MUSK: variants seen among roughly 807,000 people sequenced by gnomAD.
MUSK encodes the protein muscle, skeletal receptor tyrosine-protein kinase.
In MUSK, 55 loss-of-function variants were observed where a neutral mutation model predicts 88.7. That is an observed-to-expected ratio of 0.62 (90% CI 0.50 to 0.78). The LOEUF (loss-of-function observed/expected upper bound fraction) is 0.78. Ranked by LOEUF, MUSK falls within the 30% of genes least tolerant of loss-of-function variation. MUSK has a pLI of 0.00. For missense variants in MUSK, 1,015 were observed against 1,074.3 expected (o/e 0.94, Z 0.77); for synonymous variants, 387 against 391.9 (o/e 0.99, Z 0.15).
intron 8 of MUSK, among the ~76,000 whole-genome samples, chr9:110,763,692 G>A (rs2077433761): frequency 6.6e-6 from 1 of 152,196 alleles, no homozygotes; most frequent in Non-Finnish European, 1.5e-5. Context: ...GCTGTCAAGT[G>A]TGCCTGTGCA....
chr9:110,784,178 G>A (rs1261045541), intron 11 of MUSK, among the ~76,000 whole-genome samples: 1 of 152,006 alleles, frequency 6.6e-6, no homozygotes, highest in African/African-American at 2.4e-5. Context: ...TCTGTTAAGA[G>A]GATTTAAATG....
chr9:110,689,720 T>TTTATATATAAATA (rs2076275351), intron 3 of MUSK, among the ~76,000 whole-genome samples: 1 of 57,038 alleles, frequency 1.8e-5, no homozygotes, highest in African/African-American at 1.4e-4. Flanking sequence ...ACTATATATG[T>TTTATATATAAATA]TATATATAGT....
chr9:110,711,908 T>C (rs2076676243), intron 5 of MUSK, among the ~76,000 whole-genome samples: 1 of 152,196 alleles, frequency 6.6e-6, no homozygotes, highest in African/African-American at 2.4e-5. Flanking sequence ...CTGTGGGAGC[T>C]GTTTTAAAGC....
At position 110,787,826 on chromosome 9, in the gene MUSK, G is replaced by A. The variant is rs766810675; in HGVS notation, c.1915G>A (p.Val639Met). ...LMAEFDNPNI[V>M]KLLGVCAVGK... is the part of the protein sequence containing the mutation. The stretch of plus-strand genomic sequence containing the variant: ...GGCAGAATTTGACAACCCTAACATT[G>A]TGAAGCTATTAGGTATGAAAATACA... Residue 639 changes from valine (V) to methionine (M), a missense_variant, in exon 14 of 15, where the codon GTG becomes ATG. By Grantham distance (21) the Val-to-Met change is conservative. Coordinates refer to ENST00000374448, the MANE Select transcript of MUSK (RefSeq NM_005592.4). 1.4e-5 allele frequency: 22 copies of A among 1,611,994 alleles called. No individual in the cohort carries two copies. The highest frequency in any genetic ancestry group is 1.8e-5 in the Non-Finnish European group (21 of 1,178,886).
At position 110,701,652 on chromosome 9, in the gene MUSK, A is replaced by ATTATTTTT. The variant is rs1554739450; in HGVS notation, c.628+4188_628+4189insATTTTTTT. ...CAGGTGTGCACTACTGTGCTCAGCT[A>ATTATTTTT]TTTATTTTATTTATTTTATTTTATT... On this transcript the variant is annotated intron_variant, in intron 5 of 14. Coordinates refer to ENST00000374448, the MANE Select transcript of MUSK (RefSeq NM_005592.4). 6.5e-4 allele frequency among the ~76,000 whole-genome samples: 7 copies of ATTATTTTT among 10,802 alleles called. 1 individual carries two copies. Among genetic ancestry groups the ATTATTTTT allele is most frequent in the Non-Finnish European group, 1.4e-3 (6 of 4,444 alleles). The allele number at this position is 10,802 out of a possible 152,430, so 7.1% of individuals were successfully genotyped here.
At chr9:110,714,810 T>C (rs1210569658) in intron 5 of MUSK, among the ~76,000 whole-genome samples, 1 of 152,166 alleles carries the variant, frequency 6.6e-6, no homozygotes, top group Non-Finnish European at 1.5e-5. Flanking sequence ...ATTTTGTTCT[T>C]TGTAGTCCTT....
At chr9:110,745,210 A>T (rs1587983112) in intron 6 of MUSK, among the ~76,000 whole-genome samples, 1 of 152,148 alleles carries the variant, frequency 6.6e-6, no homozygotes, top group East Asian at 1.9e-4. Context: ...AGGAGAAGAG[A>T]CGTCAGGCAG....
At chr9:110,715,182 T>C (rs1278485632) in intron 5 of MUSK, among the ~76,000 whole-genome samples, 1 of 149,862 alleles carries the variant, frequency 6.7e-6, no homozygotes, top group Non-Finnish European at 1.5e-5. Flanking sequence ...TCAAAAAAGC[T>C]CTGGAGAAAG....
chr9:110,680,128 T>C (rs2076088229), intron 1 of MUSK, among the ~76,000 whole-genome samples: 2 of 152,130 alleles, frequency 1.3e-5, no homozygotes, highest in South Asian at 4.1e-4. Context: ...TTATAAGTGT[T>C]CTGAGTTTAA....
intron 5 of MUSK, among the ~76,000 whole-genome samples, chr9:110,733,196 G>A (rs1356728875): frequency 2.0e-5 from 3 of 152,064 alleles, no homozygotes; most frequent in African/African-American, 7.2e-5. Flanking sequence ...AGTATAATAG[G>A]CCATCCAAAA....
intron 7 of MUSK, among the ~76,000 whole-genome samples, chr9:110,760,479 A>C (rs2077382846): frequency 1.3e-5 from 2 of 152,178 alleles, no homozygotes; most frequent in African/African-American, 4.8e-5. Context: ...TAAATACTGC[A>C]TGTTCCCACT....
chr9:110,698,311 T>G (rs2076459262), intron 5 of MUSK, among the ~76,000 whole-genome samples: 1 of 152,230 alleles, frequency 6.6e-6, no homozygotes, highest in Non-Finnish European at 1.5e-5. Flanking sequence ...GCAGAGCATC[T>G]GGTCCTTTGT....
chr9:110,723,234 T>TACATACACACACACAC (rs1554744130), intron 5 of MUSK, among the ~76,000 whole-genome samples: 2 of 146,670 alleles, frequency 1.4e-5, no homozygotes, highest in Non-Finnish European at 3.0e-5. Flanking sequence ...TACATATACA[T>TACATACACACACACAC]ACACACACAC....
At chr9:110,798,336 G>A (rs1331559895) in intron 14 of MUSK, among the ~76,000 whole-genome samples, 2 of 152,102 alleles carry the variant, frequency 1.3e-5, no homozygotes, top group Non-Finnish European at 2.9e-5. Flanking sequence ...AAATCCTAGT[G>A]GATAATGGTT....
chr9:110,777,544 T>C (rs2077689392), intron 11 of MUSK, among the ~76,000 whole-genome samples: 1 of 152,128 alleles, frequency 6.6e-6, no homozygotes, highest in Non-Finnish European at 1.5e-5. Context: ...GCCTGTCAAA[T>C]TGTTATTCCC....
chr9:110,784,791 G>T (rs199709161), intron 11 of MUSK, 24 bp from the exon 12 acceptor site: 257 of 1,568,876 alleles, frequency 1.6e-4, no homozygotes, highest in Middle Eastern at 1.5e-3. Flanking sequence ...GAGAATGAAT[G>T]AAATAATTAT....
rs1341141494 is a variant in MUSK at position 110,776,660 on chromosome 9, GTAAT to G, written c.1384+7_1384+10del. 1 of 1,595,616 alleles carries G rather than the reference GTAAT, an allele frequency of 6.3e-7. No individual in the cohort carries two copies. Among genetic ancestry groups the G allele is most frequent in the South Asian group, 1.1e-5 (1 of 89,070 alleles). ...ATAACAAAGAAAACCTAAAAAGTAAGTAATTGTGTTTGTGCCCTTGAAACCTTAT... is the reference window on the plus strand; with the variant it reads ...ATAACAAAGAAAACCTAAAAAGTAAGTGTGTTTGTGCCCTTGAAACCTTAT... On this transcript the variant is annotated splice_donor_region_variant and intron_variant, in intron 11 of 14. Coordinates refer to ENST00000374448, the MANE Select transcript of MUSK (RefSeq NM_005592.4).
intron 7 of MUSK, 58 bp downstream of exon 7, chr9:110,747,858 T>C: frequency 3.2e-6 from 5 of 1,567,884 alleles, no homozygotes; most frequent in Non-Finnish European, 3.5e-6. Flanking sequence ...GATACTATTC[T>C]ACAATATCGA....
At position 110,708,525 on chromosome 9, in the gene MUSK, C is replaced by T. The variant is rs1263353458; in HGVS notation, c.628+11059C>T. Among the ~76,000 whole-genome samples, 4 of 152,086 alleles carry T rather than the reference C, an allele frequency of 2.6e-5. No homozygotes were observed. The East Asian group carries it at 7.7e-4, about 29-fold the overall frequency. On this transcript the variant is annotated intron_variant, in intron 5 of 14. Transcript: ENST00000374448. ...ACCAAACAAAGAAAAAAATCACAAACCTCTGATATCCCTGGAGGCTATCAT... is the reference window on the plus strand; with the variant it reads ...ACCAAACAAAGAAAAAAATCACAAATCTCTGATATCCCTGGAGGCTATCAT...
Sources: gnomAD v4.1 joint callset for allele counts (sites outside exome capture counted in the v4.1 genomes callset) on GRCh38, gnomAD v4.1.1 for gene constraint, MANE v1.5 for transcripts, NCBI Gene and HGNC (gene_info 2026-07-23, HGNC 2026-07-21) for gene names.